CLSTN2: variants seen among roughly 807,000 people sequenced by gnomAD.
The protein encoded by CLSTN2 is calsyntenin-2.
Under a neutral mutation model 101.2 loss-of-function variants are expected in CLSTN2, and 48 were observed. The ratio of observed to expected loss-of-function variants is 0.47; its 90% CI spans 0.38 to 0.60. The LOEUF is 0.60. CLSTN2 is among the 20% of genes least tolerant of loss of function. The pLI, the probability that CLSTN2 is intolerant of heterozygous loss-of-function variation, is 0.00. For missense variants in CLSTN2, 1,160 were observed against 1,238.2 expected, an observed-to-expected ratio of 0.94 and a Z score of 0.95; for synonymous variants, 481 against 463.6, an observed-to-expected ratio of 1.04 and a Z score of -0.48.
rs1414054019 is a variant in CLSTN2, at chr3:140,566,595, C to T, written c.*342C>T. On this transcript the variant is annotated 3_prime_UTR_variant, in exon 17 of 17. Coordinates refer to ENST00000458420, the MANE Select transcript of CLSTN2 (RefSeq NM_022131.3). Reference sequence around the variant, plus strand: ...AGGCCCACCTTTGTGTCACTCACCTCCCCAGGCTCAGAGTCCCCAAGGCCC... The same window carrying T: ...AGGCCCACCTTTGTGTCACTCACCTTCCCAGGCTCAGAGTCCCCAAGGCCC... 5 of 321,942 alleles carry T rather than the reference C, an allele frequency of 1.6e-5. No homozygotes were observed. The highest frequency in any genetic ancestry group is 6.3e-5 in the East Asian group (1 of 15,768). 19.9% of individuals were successfully genotyped at this position (321,942 alleles called of 1,614,324 possible).
Position 140,033,141 on chromosome 3 carries a change from G to A in CLSTN2, c.109+97658G>A, listed in dbSNP as rs577335135. Among the ~76,000 whole-genome samples, 108 of 152,294 alleles carry A rather than the reference G, an allele frequency of 7.1e-4. 1 individual carries two copies. The highest frequency in any genetic ancestry group is 1.7e-3 in the Admixed American group (26 of 15,300). ...TGAAAAGAAATAGGAGGACTGACACGTAGTAGATAACACATAAAAACTATA... is the reference window on the plus strand; with the variant it reads ...TGAAAAGAAATAGGAGGACTGACACATAGTAGATAACACATAAAAACTATA... On this transcript the variant is annotated intron_variant, in intron 1 of 16. Transcript: ENST00000458420.
chr3:140,566,146 G>C lies in CLSTN2; in HGVS notation c.2761G>C (p.Asp921His). Residue 921 changes from aspartate (D) to histidine (H), a missense_variant, in exon 17 of 17, where the codon GAC becomes CAC. Coordinates refer to ENST00000458420, the MANE Select transcript of CLSTN2 (RefSeq NM_022131.3). ...EEMSSSSGSD[D>H]SEEEEEEEGM... ...AATGAGCTCCAGCAGTGGCTCTGAC[G>C]ACAGCGAAGAGGAGGAGGAGGAGGA... 6.2e-7 allele frequency: 1 copy of C among 1,612,614 alleles called. No homozygotes were observed. The highest frequency in any genetic ancestry group is 8.5e-7 in the Non-Finnish European group (1 of 1,178,882).
intron 2 of CLSTN2, among the ~76,000 whole-genome samples, chr3:140,398,958 A>C (rs2088212550): frequency 6.6e-6 from 1 of 152,206 alleles, no homozygotes; most frequent in South Asian, 2.1e-4. Flanking sequence ...TGTCTCACTC[A>C]GGCACAGCAG....
intron 2 of CLSTN2, among the ~76,000 whole-genome samples, chr3:140,320,184 T>C (rs1177305679): frequency 2.0e-5 from 3 of 152,152 alleles, no homozygotes; most frequent in Admixed American, 6.5e-5. Flanking sequence ...CCGTGAGACC[T>C]AAAGAACCTA....
intron 2 of CLSTN2, among the ~76,000 whole-genome samples, chr3:140,240,225 TA>T (rs2086452860): frequency 7.5e-5 from 2 of 26,602 alleles, no homozygotes; most frequent in African/African-American, 2.8e-4. Flanking sequence ...CACACACATA[TA>T]TATATATGCA....
intron 5 of CLSTN2, among the ~76,000 whole-genome samples, chr3:140,434,820 G>A (rs1576565915): frequency 6.6e-6 from 1 of 152,180 alleles, no homozygotes; most frequent in East Asian, 1.9e-4. Context: ...TAAGTGATGG[G>A]GTAGATGGAC....
At chr3:140,207,451 A>G (rs1001192003) in intron 2 of CLSTN2, among the ~76,000 whole-genome samples, 2 of 152,104 alleles carry the variant, frequency 1.3e-5, no homozygotes, top group Non-Finnish European at 2.9e-5. Flanking sequence ...CACTCAACTT[A>G]CCCTTTTGTC....
intron 2 of CLSTN2, among the ~76,000 whole-genome samples, chr3:140,402,455 A>G (rs1220412701): frequency 6.6e-6 from 1 of 152,234 alleles, no homozygotes; most frequent in East Asian, 1.9e-4. Context: ...CAGGTTTTTT[A>G]TGAAGTTCAA....
chr3:139,973,365 T>A (rs1167497352), intron 1 of CLSTN2, among the ~76,000 whole-genome samples: 1 of 152,200 alleles, frequency 6.6e-6, no homozygotes, highest in African/African-American at 2.4e-5. Context: ...CTGGCTCAGG[T>A]CAGTAGCCAG....
At chr3:140,520,535 CT>C (rs1310661905) in intron 8 of CLSTN2, among the ~76,000 whole-genome samples, 1 of 152,174 alleles carries the variant, frequency 6.6e-6, no homozygotes, top group Non-Finnish European at 1.5e-5. Context: ...AAACAGCCCC[CT>C]GATCCAATTA....
chr3:140,438,353 G>T (rs1220706269), intron 5 of CLSTN2, among the ~76,000 whole-genome samples: 1 of 135,962 alleles, frequency 7.4e-6, no homozygotes, highest in Non-Finnish European at 1.5e-5. Flanking sequence ...GTGAGAATTT[G>T]ATTTCAGCTT....
intron 1 of CLSTN2, among the ~76,000 whole-genome samples, chr3:139,999,477 C>T (rs957834188): frequency 5.3e-5 from 8 of 152,178 alleles, no homozygotes; most frequent in South Asian, 4.1e-4. Context: ...CATACCTCAA[C>T]GCTCTTCCTT....
intron 1 of CLSTN2, among the ~76,000 whole-genome samples, chr3:140,133,603 C>T (rs1356763418): frequency 6.6e-6 from 1 of 152,150 alleles, no homozygotes; most frequent in African/African-American, 2.4e-5. Context: ...AAGGTCAACT[C>T]CTGAATAATT....
intron 1 of CLSTN2, among the ~76,000 whole-genome samples, chr3:140,030,862 G>A (rs530832815): frequency 6.6e-6 from 1 of 152,314 alleles, no homozygotes; most frequent in South Asian, 2.1e-4. Context: ...CCTTTGGTGG[G>A]ACGCATTATT....
At chr3:140,154,730 T>C (rs1291092811) in intron 1 of CLSTN2, among the ~76,000 whole-genome samples, 1 of 144,134 alleles carries the variant, frequency 6.9e-6, no homozygotes, top group Non-Finnish European at 1.5e-5. Context: ...CTACAAGCTC[T>C]GCCTCCCGGG....
intron 5 of CLSTN2, among the ~76,000 whole-genome samples, chr3:140,429,127 A>G (rs918702097): frequency 3.3e-5 from 5 of 152,150 alleles, no homozygotes; most frequent in South Asian, 2.1e-4. Flanking sequence ...AATGCTGGCT[A>G]GATTCGTTGC....
chr3:139,977,139 T>G (rs1935831309), intron 1 of CLSTN2, among the ~76,000 whole-genome samples: 1 of 152,184 alleles, frequency 6.6e-6, no homozygotes, highest in Non-Finnish European at 1.5e-5. Context: ...TGAGTCAGTG[T>G]TATTCCCGCT....
At chr3:140,450,638 C>T (rs193036731) in intron 6 of CLSTN2, among the ~76,000 whole-genome samples, 13 of 152,066 alleles carry the variant, frequency 8.5e-5, no homozygotes, top group African/African-American at 3.1e-4. Flanking sequence ...CACAGTCTAG[C>T]CTGCCTTCCC....
intron 2 of CLSTN2, among the ~76,000 whole-genome samples, chr3:140,314,502 C>T (rs1000881945): frequency 2.0e-5 from 3 of 152,288 alleles, no homozygotes; most frequent in South Asian, 2.1e-4. Flanking sequence ...CCCTAGAGGC[C>T]TCATGGGACT....
Sources: gnomAD v4.1 joint callset for allele counts (sites outside exome capture counted in the v4.1 genomes callset) on GRCh38, gnomAD v4.1.1 for gene constraint, MANE v1.5 for transcripts, NCBI Gene and HGNC (gene_info 2026-07-23, HGNC 2026-07-21) for gene names.